The following FHIP1A variants were observed in gnomAD, a reference collection of about 807,000 sequenced individuals.
The protein encoded by FHIP1A is FHF complex subunit HOOK-interacting protein 1A.
In FHIP1A, 61 loss-of-function variants were observed where a neutral mutation model predicts 88.6. The ratio of observed to expected loss-of-function variants is 0.69; its 90% CI spans 0.56 to 0.85. FHIP1A has a LOEUF of 0.85. Ranked by LOEUF, FHIP1A falls within the 40% of genes least tolerant of loss-of-function variation. The pLI, the probability that FHIP1A is intolerant of heterozygous loss-of-function variation, is 0.00. For synonymous variants in FHIP1A, 478 were observed against 496.0 expected (o/e 0.96, Z 0.48); for missense variants, 1,154 against 1,273.5 (o/e 0.91, Z 1.43).
rs1435823935 is a variant in FHIP1A, at chr4:151,590,060, T to C, written c.978+1134T>C. On this transcript the variant is annotated intron_variant, in intron 7 of 13. Coordinates refer to ENST00000435205, the MANE Select transcript of FHIP1A (RefSeq NM_001109977.3). ...TTAACTCTGGAAAATACAGAACTTG[T>C]ATTTGTTTCTAGGTTAACTTTATGT... 5.3e-5 allele frequency among the ~76,000 whole-genome samples: 8 copies of C among 152,342 alleles called. No individual in the cohort carries two copies. The South Asian group carries it at 8.3e-4, about 16-fold the overall frequency.
At chr4:151,552,841 AAAAAC>A (rs1449760447) in intron 3 of FHIP1A, among the ~76,000 whole-genome samples, 1 of 151,958 alleles carries the variant, frequency 6.6e-6, no homozygotes, top group Non-Finnish European at 1.5e-5. Flanking sequence ...AAAAAAAAGA[AAAAAC>A]AAAAGCAAAA....
At chr4:151,518,307 G>T (rs1332187133) in intron 3 of FHIP1A, among the ~76,000 whole-genome samples, 1 of 152,092 alleles carries the variant, frequency 6.6e-6, no homozygotes, top group Non-Finnish European at 1.5e-5. Context: ...GGAGCAATAG[G>T]CTATACCAGA....
chr4:151,536,106 CT>C lies in FHIP1A; in HGVS notation c.-122-30024del, dbSNP rs35269660. ...CTGAGTTCACACTTGAGAACATGAACTTTTTTTTCCCCCCAATAAAAATGTT... is the reference window on the plus strand; with the variant it reads ...CTGAGTTCACACTTGAGAACATGAACTTTTTTTCCCCCCAATAAAAATGTT... On this transcript the variant is annotated intron_variant, in intron 3 of 13. Coordinates refer to ENST00000435205, the MANE Select transcript of FHIP1A (RefSeq NM_001109977.3). Among the ~76,000 whole-genome samples the C allele has an allele frequency of 1.2e-4, 19 of 152,084 alleles. 1 individual carries two copies. Among genetic ancestry groups the C allele is most frequent in the South Asian group, 1.0e-3 (5 of 4,800 alleles).
At chr4:151,491,418 ACT>A (rs1179715348) in intron 3 of FHIP1A, among the ~76,000 whole-genome samples, 1 of 152,182 alleles carries the variant, frequency 6.6e-6, no homozygotes, top group African/African-American at 2.4e-5. Flanking sequence ...GGAGAGATAA[ACT>A]CTTTTTCAGA....
chr4:151,587,742 A>T (rs1417317332), intron 6 of FHIP1A, among the ~76,000 whole-genome samples: 1 of 152,080 alleles, frequency 6.6e-6, no homozygotes, highest in Non-Finnish European at 1.5e-5. Flanking sequence ...TTCTGGAAGA[A>T]AATACAAGTA....
chr4:151,577,680 T>G lies in FHIP1A; in HGVS notation c.336T>G (p.Asp112Glu). ...GGAGCTTGAGAAGGGAGTTTACTGATGAGACTAAAATTGAGCAGCTAAAGA... is the reference window on the plus strand; with the variant it reads ...GGAGCTTGAGAAGGGAGTTTACTGAGGAGACTAAAATTGAGCAGCTAAAGA... ...FLWSLRREFT[D>E]ETKIEQLKMY... Residue 112 changes from aspartate (D) to glutamate (E), a missense_variant, in exon 5 of 14, where the codon GAT becomes GAG. Coordinates refer to ENST00000435205, the MANE Select transcript of FHIP1A (RefSeq NM_001109977.3). 6.4e-7 allele frequency: 1 copy of G among 1,551,716 alleles called. No individual in the cohort carries two copies. The highest frequency in any genetic ancestry group is 8.7e-7 in the Non-Finnish European group (1 of 1,146,988).
intron 1 of FHIP1A, among the ~76,000 whole-genome samples, chr4:151,414,783 T>C (rs1334225118): frequency 6.6e-6 from 1 of 152,248 alleles, no homozygotes; most frequent in Non-Finnish European, 1.5e-5. Context: ...TTTATCCTTT[T>C]CTTTATAAAT....
intron 2 of FHIP1A, among the ~76,000 whole-genome samples, chr4:151,471,326 G>T (rs1467528970): frequency 1.1e-5 from 1 of 90,336 alleles, no homozygotes; most frequent in African/African-American, 4.4e-5. Context: ...TTTCCAATAA[G>T]GAAAAAAAAA....
chr4:151,413,083 C>T (rs548280895), intron 1 of FHIP1A, among the ~76,000 whole-genome samples: 46 of 152,230 alleles, frequency 3.0e-4, no homozygotes, highest in Middle Eastern at 3.4e-3. Flanking sequence ...AGTGTGTGTA[C>T]ACATGTAACA....
intron 1 of FHIP1A, among the ~76,000 whole-genome samples, chr4:151,423,399 T>C (rs1211997191): frequency 6.6e-6 from 1 of 152,170 alleles, no homozygotes; most frequent in Non-Finnish European, 1.5e-5. Context: ...AGGTCTTTGA[T>C]CAATTATGCT....
At chr4:151,496,915 G>A (rs1430814670) in intron 3 of FHIP1A, among the ~76,000 whole-genome samples, 3 of 151,518 alleles carry the variant, frequency 2.0e-5, no homozygotes, top group Non-Finnish European at 4.4e-5. Flanking sequence ...AAGAGAGCAA[G>A]TATGAAAAAC....
chr4:151,612,392 T>C (rs1484291684), intron 7 of FHIP1A, among the ~76,000 whole-genome samples: 1 of 152,216 alleles, frequency 6.6e-6, no homozygotes, highest in African/African-American at 2.4e-5. Context: ...GTTTTTGTTT[T>C]TGTTTTGAGA....
chr4:151,506,687 AG>A (rs1730848668), intron 3 of FHIP1A, among the ~76,000 whole-genome samples: 1 of 152,144 alleles, frequency 6.6e-6, no homozygotes, highest in Non-Finnish European at 1.5e-5. Flanking sequence ...AATGGCACCA[AG>A]CCCTTCATCA....
chr4:151,549,954 TC>T (rs1732661042), intron 3 of FHIP1A, among the ~76,000 whole-genome samples: 1 of 152,210 alleles, frequency 6.6e-6, no homozygotes. Context: ...TCCCTTACTT[TC>T]TACCTTTTGT....
At chr4:151,556,324 T>C (rs1291339407) in intron 3 of FHIP1A, among the ~76,000 whole-genome samples, 1 of 152,202 alleles carries the variant, frequency 6.6e-6, no homozygotes, top group African/African-American at 2.4e-5. Context: ...TATTCTATCA[T>C]CATCCTTTCC....
chr4:151,605,077 T>G (rs1241737026), intron 7 of FHIP1A, among the ~76,000 whole-genome samples: 1 of 152,154 alleles, frequency 6.6e-6, no homozygotes, highest in Non-Finnish European at 1.5e-5. Flanking sequence ...CGTAGAGAGT[T>G]GGCAGTTGCA....
intron 3 of FHIP1A, among the ~76,000 whole-genome samples, chr4:151,493,037 C>T (rs370359685): frequency 1.3e-5 from 2 of 151,850 alleles, no homozygotes; most frequent in South Asian, 4.2e-4. Context: ...ATAAATGAAA[C>T]AAAACTTGAT....
At chr4:151,433,135 G>A (rs527722057) in intron 1 of FHIP1A, among the ~76,000 whole-genome samples, 1 of 152,204 alleles carries the variant, frequency 6.6e-6, no homozygotes, top group East Asian at 1.9e-4. Flanking sequence ...GTGAGCAGAG[G>A]AAATGCGATG....
At chr4:151,552,906 T>TC (rs1439140816) in intron 3 of FHIP1A, among the ~76,000 whole-genome samples, 4 of 151,974 alleles carry the variant, frequency 2.6e-5, no homozygotes, top group Non-Finnish European at 5.9e-5. Context: ...GGTGTGTGTG[T>TC]ATGTGTGTGT....
Sources: gnomAD v4.1 joint callset for allele counts (sites outside exome capture counted in the v4.1 genomes callset) on GRCh38, gnomAD v4.1.1 for gene constraint, MANE v1.5 for transcripts, NCBI Gene and HGNC (gene_info 2026-07-23, HGNC 2026-07-21) for gene names.